PDE7A: variants seen among roughly 807,000 people sequenced by gnomAD.
PDE7A encodes the protein high affinity 3',5'-cyclic-AMP phosphodiesterase 7A.
Under a neutral mutation model 64.3 loss-of-function variants are expected in PDE7A, and 39 were observed. That is an observed-to-expected ratio of 0.61 (90% CI 0.47 to 0.79). The LOEUF (loss-of-function observed/expected upper bound fraction) is 0.79. Among genes scored for constraint, PDE7A ranks in the 30% least tolerant of loss-of-function variants. PDE7A has a pLI of 0.00. For missense variants in PDE7A, 470 were observed against 582.8 expected, an observed-to-expected ratio of 0.81 and a Z score of 1.99; for synonymous variants, 203 against 206.8, an observed-to-expected ratio of 0.98 and a Z score of 0.16.
At position 65,747,723 on chromosome 8, in the gene PDE7A, G is replaced by A. The variant is rs773546045; in HGVS notation, c.364C>T (p.Arg122Cys). The A allele has an allele frequency of 9.3e-6, 15 of 1,610,390 alleles. No individual in the cohort carries two copies. The highest frequency in any genetic ancestry group is 6.7e-5 in the African/African-American group (5 of 74,984). ...GAAACCGCAGTACCACGAAAAAAGCGTGAAGATCTAAGATATCGCTGGAAA... is the reference window on the plus strand; with the variant it reads ...GAAACCGCAGTACCACGAAAAAAGCATGAAGATCTAAGATATCGCTGGAAA... ...LSFQRYLRSSRFFRGTAVSNS... is the reference protein window; with the variant it reads ...LSFQRYLRSSCFFRGTAVSNS... Residue 122 changes from arginine to cysteine, a missense_variant, in exon 4 of 13, where the codon CGC becomes TGC. Coordinates refer to ENST00000401827, the MANE Select transcript of PDE7A (RefSeq NM_001242318.3).
chr8:65,736,790 GTTTT>G (rs34814975), intron 6 of PDE7A, among the ~76,000 whole-genome samples: 2 of 128,816 alleles, frequency 1.6e-5, no homozygotes, highest in Non-Finnish European at 3.2e-5. Flanking sequence ...AAATTTATCT[GTTTT>G]TTTTTTTTTT....
At chr8:65,742,421 A>G (rs1383731274) in intron 5 of PDE7A, among the ~76,000 whole-genome samples, 1 of 152,184 alleles carries the variant, frequency 6.6e-6, no homozygotes, top group African/African-American at 2.4e-5. Flanking sequence ...CTACCAGACA[A>G]TAACTACTTC....
rs1024073898 is a variant in PDE7A at position 65,714,560 on chromosome 8, C to T, written c.*4730G>A. 16 of 152,068 alleles carry T rather than the reference C, an allele frequency of 1.1e-4. No homozygotes were observed. Among genetic ancestry groups the T allele is most frequent in the African/African-American group, 3.4e-4 (14 of 41,420 alleles). The allele number at this position is 152,068 out of a possible 1,614,324, so 9.4% of individuals were successfully genotyped here. On this transcript the variant is annotated 3_prime_UTR_variant, in exon 13 of 13. Transcript: ENST00000401827. ...ATTCTTGCACAGACCTGTATTACTC[C>T]GTGTTTCAAATGTATGCAGATGCTA...
At chr8:65,808,183 G>C (rs986598432) in intron 1 of PDE7A, among the ~76,000 whole-genome samples, 1 of 152,192 alleles carries the variant, frequency 6.6e-6, no homozygotes, top group African/African-American at 2.4e-5. Context: ...TAGTTAAAAT[G>C]AGCAGAAATT....
In PDE7A at chr8:65,841,838, G is replaced by C. The variant is rs1364207891; in HGVS notation, c.-330C>G. 1 of 156,168 alleles carries C rather than the reference G, an allele frequency of 6.4e-6. No homozygotes were observed. The highest frequency in any genetic ancestry group is 1.4e-5 in the Non-Finnish European group (1 of 70,836). 9.7% of individuals were successfully genotyped at this position (156,168 alleles called of 1,614,324 possible). A position where few individuals can be genotyped will look rare whatever the true frequency, so the allele number is the denominator to read the frequency against. On this transcript the variant is annotated 5_prime_UTR_variant, in exon 1 of 13. Coordinates refer to ENST00000401827, the MANE Select transcript of PDE7A (RefSeq NM_001242318.3). ...CCGCCCTGGGGCTCCTCGGCCGAGA[G>C]GAGCAGGTACCCGGACTGCAGAGTT...
intron 3 of PDE7A, among the ~76,000 whole-genome samples, chr8:65,750,077 ATC>A (rs1807863626): frequency 6.6e-6 from 1 of 152,214 alleles, no homozygotes. Context: ...TAGCACCACC[ATC>A]TCTGTATTTG....
intron 6 of PDE7A, among the ~76,000 whole-genome samples, chr8:65,738,490 T>C (rs1483396173): frequency 6.6e-6 from 1 of 152,202 alleles, no homozygotes; most frequent in Non-Finnish European, 1.5e-5. Context: ...TAGAACCAAC[T>C]AGGAGAAACT....
intron 1 of PDE7A, among the ~76,000 whole-genome samples, chr8:65,811,932 C>A (rs1391027512): frequency 6.6e-6 from 1 of 152,048 alleles, no homozygotes; most frequent in East Asian, 1.9e-4. Context: ...CCAGGCCAGG[C>A]GAGGTGGCTC....
At chr8:65,811,935 G>A (rs1352176149) in intron 1 of PDE7A, among the ~76,000 whole-genome samples, 1 of 152,134 alleles carries the variant, frequency 6.6e-6, no homozygotes, top group African/African-American at 2.4e-5. Context: ...GGCCAGGCGA[G>A]GTGGCTCACA....
intron 3 of PDE7A, among the ~76,000 whole-genome samples, chr8:65,750,001 T>G (rs982665492): frequency 1.4e-4 from 20 of 145,702 alleles, no homozygotes; most frequent in South Asian, 4.6e-4. Flanking sequence ...AAAGTGGATC[T>G]GCAAGGGACA....
intron 1 of PDE7A, among the ~76,000 whole-genome samples, chr8:65,805,077 C>G (rs1159473279): frequency 6.6e-6 from 1 of 152,118 alleles, no homozygotes; most frequent in Non-Finnish European, 1.5e-5. Context: ...CTCCTGGACT[C>G]AAGCAATCCT....
In PDE7A at chr8:65,820,671, C is replaced by A. The variant is rs553632553; in HGVS notation, c.138+20700G>T. 6.6e-5 allele frequency among the ~76,000 whole-genome samples: 10 copies of A among 152,198 alleles called. No individual in the cohort carries two copies. The East Asian group carries it at 1.9e-3, about 29-fold the overall frequency. Reference sequence around the variant, plus strand: ...GTGGCGCAATCTTGACTCACTGTAACCTCTGCCTCCTGGGTTCAAGCGATC... The same window carrying A: ...GTGGCGCAATCTTGACTCACTGTAAACTCTGCCTCCTGGGTTCAAGCGATC... On this transcript the variant is annotated intron_variant, in intron 1 of 12. Transcript: ENST00000401827.
chr8:65,802,026 T>C (rs536695535), intron 1 of PDE7A, among the ~76,000 whole-genome samples: 16 of 152,342 alleles, frequency 1.1e-4, no homozygotes, highest in African/African-American at 3.8e-4. Flanking sequence ...TGGTACTTCT[T>C]GTTCGAAAGA....
chr8:65,740,823 A>G (rs1807392395), intron 5 of PDE7A, among the ~76,000 whole-genome samples: 1 of 152,108 alleles, frequency 6.6e-6, no homozygotes. Flanking sequence ...TATTGTCTCA[A>G]CAAGCATCAG....
In PDE7A at chr8:65,719,394, C is replaced by T; in HGVS notation, c.1345G>A (p.Ala449Thr). The T allele has an allele frequency of 6.2e-7, 1 of 1,614,076 alleles. No individual in the cohort carries two copies. ...TMLGHVGLNK[A>T]SWKGLQREQS... The stretch of plus-strand genomic sequence containing the variant: ...TCTCTCTGCAGTCCCTTCCAGCTGG[C>T]TTTATTCAGCCCCACGTGTCCAAGC... Residue 449 changes from alanine (A) to threonine (T), a missense_variant, in exon 13 of 13, where the codon GCC becomes ACC. Transcript: ENST00000401827.
At chr8:65,830,231 TTTTC>T (rs1015548734) in intron 1 of PDE7A, among the ~76,000 whole-genome samples, 2 of 139,816 alleles carry the variant, frequency 1.4e-5, no homozygotes, top group Admixed American at 6.8e-5. Flanking sequence ...ACTGAAACCT[TTTTC>T]TTTCTTTTTT....
intron 5 of PDE7A, among the ~76,000 whole-genome samples, chr8:65,742,363 C>G (rs1456931832): frequency 6.6e-6 from 1 of 152,156 alleles, no homozygotes; most frequent in African/African-American, 2.4e-5. Flanking sequence ...TTTGCTATGT[C>G]GCATCACTTA....
intron 3 of PDE7A, among the ~76,000 whole-genome samples, chr8:65,753,552 C>T (rs1351390189): frequency 7.0e-6 from 1 of 143,200 alleles, no homozygotes; most frequent in Non-Finnish European, 1.5e-5. Flanking sequence ...AAAATTAAGA[C>T]TTCTTTGTGT....
intron 1 of PDE7A, among the ~76,000 whole-genome samples, chr8:65,809,253 A>T (rs1475179669): frequency 6.6e-6 from 1 of 152,238 alleles, no homozygotes; most frequent in East Asian, 1.9e-4. Context: ...TTACATAAAC[A>T]TTAAAAGTCT....
Sources: gnomAD v4.1 joint callset for allele counts (sites outside exome capture counted in the v4.1 genomes callset) on GRCh38, gnomAD v4.1.1 for gene constraint, MANE v1.5 for transcripts, NCBI Gene and HGNC (gene_info 2026-07-23, HGNC 2026-07-21) for gene names.